The following SCNN1B variants were observed in gnomAD, a reference collection of about 807,000 sequenced individuals.
SCNN1B encodes sodium channel epithelial 1 subunit beta, also known as epithelial sodium channel subunit beta.
SCNN1B carries 46 observed loss-of-function variants against 65.3 expected under a neutral mutation model. The observed-to-expected ratio is 0.70, with a 90% CI of 0.56 to 0.90. The LOEUF (loss-of-function observed/expected upper bound fraction) is 0.90, where lower values mean the gene tolerates loss of function less well. SCNN1B is among the 40% of genes least tolerant of loss of function. The pLI, the probability that SCNN1B is intolerant of heterozygous loss-of-function variation, is 0.00. For synonymous variants in SCNN1B, 349 were observed against 330.6 expected (o/e 1.06, Z -0.60); for missense variants, 751 against 830.5 (o/e 0.90, Z 1.18).
chr16:23,375,817 G>C lies in SCNN1B; in HGVS notation c.1232G>C (p.Gly411Ala). Residue 411 changes from glycine (G) to alanine (A), a missense_variant, in exon 8 of 13, where the codon GGG becomes GCG. By Grantham distance (60) the Gly-to-Ala change is moderately conservative. Transcript: ENST00000343070. ...CGHYLYPLPR[G>A]EKYCNNRDFP... ...CACTACCTGTACCCACTGCCCCGTG[G>C]GGAGAAATACTGCAACAACCGGGAC... The C allele has an allele frequency of 6.2e-7, 1 of 1,614,048 alleles. No homozygotes were observed. The highest frequency in any genetic ancestry group is 8.5e-7 in the Non-Finnish European group (1 of 1,179,888).
At chr16:23,360,833 C>T (rs542813348) in intron 4 of SCNN1B, among the ~76,000 whole-genome samples, 2 of 151,784 alleles carry the variant, frequency 1.3e-5, no homozygotes, top group African/African-American at 2.4e-5. Context: ...CTCACTCTGT[C>T]GCCCAGGCTG....
intron 1 of SCNN1B, among the ~76,000 whole-genome samples, chr16:23,343,605 AAG>A (rs1491184582): frequency 8.4e-6 from 1 of 118,498 alleles, no homozygotes; most frequent in Admixed American, 8.2e-5. Flanking sequence ...GAAAGAAAGA[AAG>A]AAAGAAAGAA....
chr16:23,368,924 C>T (rs555739969), intron 5 of SCNN1B, among the ~76,000 whole-genome samples: 4 of 152,154 alleles, frequency 2.6e-5, no homozygotes, highest in East Asian at 1.9e-4. Context: ...AGGTGAGGGA[C>T]AAGAAATTAA....
intron 2 of SCNN1B, among the ~76,000 whole-genome samples, chr16:23,286,657 A>T (rs1960854685): frequency 6.6e-6 from 1 of 152,266 alleles, no homozygotes; most frequent in Non-Finnish European, 1.5e-5. Flanking sequence ...ACACCTCAAG[A>T]AATCAATCAA....
At chr16:23,326,487 C>G (rs1474203778) in intron 1 of SCNN1B, among the ~76,000 whole-genome samples, 1 of 152,062 alleles carries the variant, frequency 6.6e-6, no homozygotes, top group Non-Finnish European at 1.5e-5. Flanking sequence ...TGTTTTGAGA[C>G]AGAGTCTCAC....
intron 1 of SCNN1B, among the ~76,000 whole-genome samples, chr16:23,336,370 G>GTTT: frequency 7.4e-6 from 1 of 134,304 alleles, no homozygotes; most frequent in Admixed American, 7.1e-5. Flanking sequence ...TAAGCAAGAC[G>GTTT]ATTTTTTTTT....
At chr16:23,379,549 C>T (rs977040316) in intron 11 of SCNN1B, among the ~76,000 whole-genome samples, 9 of 152,112 alleles carry the variant, frequency 5.9e-5, no homozygotes, top group Admixed American at 4.6e-4. Flanking sequence ...AGCCTGGAGG[C>T]ACGAGACAGC....
chr16:23,334,212 G>A (rs1302536105), intron 1 of SCNN1B, among the ~76,000 whole-genome samples: 2 of 152,098 alleles, frequency 1.3e-5, no homozygotes, highest in Non-Finnish European at 2.9e-5. Flanking sequence ...TCTCCACGTG[G>A]TGTGGGAGTG....
chr16:23,349,440 T>A (rs542938975), intron 2 of SCNN1B, among the ~76,000 whole-genome samples: 1 of 152,278 alleles, frequency 6.6e-6, no homozygotes, highest in East Asian at 1.9e-4. Flanking sequence ...TGGGCTGAGA[T>A]GGCGCCACTT....
chr16:23,279,315 A>G (rs909094240), intron 1 of SCNN1B, among the ~76,000 whole-genome samples: 1 of 152,142 alleles, frequency 6.6e-6, no homozygotes, highest in Admixed American at 6.6e-5. Flanking sequence ...CCTGGGCTCA[A>G]GTGATCTGCC....
rs1025047849 is a variant in SCNN1B, at chr16:23,283,078, C to A, written n.111-659C>A. ...AATGCATTTGATATACCTGACCTAC[C>A]AAACATCATAGCTTAGTCTAGCTCC... On this transcript the variant is annotated intron_variant and non_coding_transcript_variant, in intron 1 of 3. Transcript: ENST00000569789. 3.3e-5 allele frequency among the ~76,000 whole-genome samples: 5 copies of A among 152,326 alleles called. No individual in the cohort carries two copies. The South Asian group carries it at 8.3e-4, about 25-fold the overall frequency.
Position 23,324,827 on chromosome 16 carries a change from C to T in SCNN1B, c.-9+22390C>T, listed in dbSNP as rs529705767. Among the ~76,000 whole-genome samples, 4 of 152,340 alleles carry T rather than the reference C, an allele frequency of 2.6e-5. No homozygotes were observed. In the East Asian group the frequency reaches 7.7e-4, roughly 29 times the overall value. On this transcript the variant is annotated intron_variant, in intron 1 of 12. Coordinates refer to ENST00000343070, the MANE Select transcript of SCNN1B (RefSeq NM_000336.3). ...CTCTTCCCTGCTGGCTGTCAACACA[C>T]ACCACCCATCCTGGGCAAGTGGCCA...
chr16:23,349,337 A>C (rs1193318764), intron 2 of SCNN1B, among the ~76,000 whole-genome samples: 2 of 152,130 alleles, frequency 1.3e-5, no homozygotes, highest in South Asian at 2.1e-4. Flanking sequence ...ATTTTTTTTA[A>C]TTAGCCAGAC....
Position 23,380,899 on chromosome 16 carries a change from G to A in SCNN1B, c.*98G>A. 2 of 1,368,714 alleles carry A rather than the reference G, an allele frequency of 1.5e-6. No individual in the cohort carries two copies. Among genetic ancestry groups the A allele is most frequent in the South Asian group, 1.2e-5 (1 of 85,830 alleles). 84.8% of individuals were successfully genotyped at this position (1,368,714 alleles called of 1,614,324 possible). ...TGGTGCCCTCTCCAAAGGGTCGGGA[G>A]GGTAGCTCTCCAGGCCAGAGCTTGT... On this transcript the variant is annotated 3_prime_UTR_variant, in exon 13 of 13. Coordinates refer to ENST00000343070, the MANE Select transcript of SCNN1B (RefSeq NM_000336.3). The surrounding 1 kb of genome is among the most constrained non-coding windows in gnomAD (Gnocchi z 5.4).
intron 1 of SCNN1B, among the ~76,000 whole-genome samples, chr16:23,331,090 C>A (rs1038996973): frequency 2.6e-5 from 4 of 152,192 alleles, no homozygotes; most frequent in Non-Finnish European, 5.9e-5. Context: ...GCTAGATGGG[C>A]ACAGCCGAGC....
chr16:23,303,591 T>C (rs2141977851), intron 1 of SCNN1B, among the ~76,000 whole-genome samples: 1 of 152,244 alleles, frequency 6.6e-6, no homozygotes, highest in Middle Eastern at 3.4e-3. Context: ...CAGTCATATA[T>C]ACAGAGCCAT....
chr16:23,342,812 A>G (rs1202520168), intron 1 of SCNN1B, among the ~76,000 whole-genome samples: 1 of 152,236 alleles, frequency 6.6e-6, no homozygotes, highest in East Asian at 1.9e-4. Flanking sequence ...GCAAATCTAG[A>G]GAGACAGAGA....
intron 2 of SCNN1B, among the ~76,000 whole-genome samples, chr16:23,286,954 G>T (rs879500118): frequency 2.8e-4 from 43 of 151,224 alleles, no homozygotes; most frequent in African/African-American, 4.4e-4. Context: ...TTAGTTTTTT[G>T]TTGTTGTTGT....
intron 1 of SCNN1B, among the ~76,000 whole-genome samples, chr16:23,321,576 C>T (rs1036764126): frequency 2.0e-5 from 3 of 152,138 alleles, no homozygotes; most frequent in African/African-American, 7.2e-5. Context: ...CTCTGCTCTC[C>T]AGCAGAGTGA....
Sources: gnomAD v4.1 joint callset for allele counts (sites outside exome capture counted in the v4.1 genomes callset) on GRCh38, gnomAD v4.1.1 for gene constraint, Gnocchi (gnomAD v3.1) non-coding constraint, MANE v1.5 for transcripts, NCBI Gene and HGNC (gene_info 2026-07-23, HGNC 2026-07-21) for gene names.